The following SLIT1 variants were observed in gnomAD, a reference collection of about 807,000 sequenced individuals.
SLIT1 encodes slit guidance ligand 1.
SLIT1 carries 66 observed loss-of-function variants against 186.1 expected under a neutral mutation model. That is an observed-to-expected ratio of 0.35 (90% CI 0.29 to 0.44). SLIT1 has a LOEUF of 0.44. Among genes scored for constraint, SLIT1 ranks in the 20% least tolerant of loss-of-function variants. SLIT1 has a pLI of 1.00. For synonymous variants in SLIT1, 761 were observed against 833.8 expected (o/e 0.91, Z 1.50); for missense variants, 1,638 against 2,037.4 (o/e 0.80, Z 3.77).
At chr10:97,090,734 G>C (rs1463501872) in intron 4 of SLIT1, among the ~76,000 whole-genome samples, 1 of 152,220 alleles carries the variant, frequency 6.6e-6, no homozygotes, top group Non-Finnish European at 1.5e-5. Context: ...TTCACTGAGT[G>C]CTTGCACCAC....
intron 1 of SLIT1, among the ~76,000 whole-genome samples, chr10:97,185,021 G>A (rs375045557): frequency 6.6e-6 from 1 of 152,266 alleles, no homozygotes; most frequent in Non-Finnish European, 1.5e-5. Flanking sequence ...GCTGCCCTTC[G>A]TCAGGAGCAA....
chr10:97,052,025 G>A (rs1172185426), intron 13 of SLIT1, among the ~76,000 whole-genome samples: 2 of 151,574 alleles, frequency 1.3e-5, no homozygotes, highest in African/African-American at 2.4e-5. Flanking sequence ...CAATATGAAT[G>A]AGCCTCAAAA....
At chr10:97,058,545 G>T (rs1336152315) in intron 11 of SLIT1, among the ~76,000 whole-genome samples, 4 of 152,206 alleles carry the variant, frequency 2.6e-5, no homozygotes, top group African/African-American at 9.7e-5. Context: ...GCTGTGTAGG[G>T]TGTACACTGC....
chr10:97,040,106 C>T lies in SLIT1; in HGVS notation c.2179G>A (p.Gly727Ser). 1.3e-6 allele frequency: 2 copies of T among 1,580,216 alleles called. No individual in the cohort carries two copies. Among genetic ancestry groups the T allele is most frequent in the Middle Eastern group, 1.7e-4 (1 of 5,880 alleles). Residue 727 changes from glycine (G) to serine (S), a missense_variant, in exon 21 of 37, where the codon GGC becomes AGC. Around this residue, in one of 3 missense-constraint regions of SLIT1, gnomAD observed 1,245 missense variants for 1,535.3 expected, o/e 0.81. Transcript: ENST00000266058. Reference protein sequence around the residue: ...FRCEEGQEEGGCLPRPQCPQE... With the variant: ...FRCEEGQEEGSCLPRPQCPQE... Reference sequence around the variant, plus strand: ...GGGCACTGTGGGCGGGGCAGGCAGCCCCCCTCCTCCTGGCCTAGGGAAGAA... The same window carrying T: ...GGGCACTGTGGGCGGGGCAGGCAGCTCCCCTCCTCCTGGCCTAGGGAAGAA...
At chr10:97,124,331 G>GCCCAGAGAAGGTTGGGC (rs1849585502) in intron 4 of SLIT1, among the ~76,000 whole-genome samples, 1 of 152,198 alleles carries the variant, frequency 6.6e-6, no homozygotes, top group Non-Finnish European at 1.5e-5. Context: ...GTGTTCTTTA[G>GCCCAGAGAAGGTTGGGC]CCCAGAGAAG....
intron 4 of SLIT1, among the ~76,000 whole-genome samples, chr10:97,089,308 C>T (rs994291981): frequency 2.2e-4 from 33 of 152,230 alleles, no homozygotes; most frequent in African/African-American, 8.0e-4. Context: ...GGGTGAGGCT[C>T]TGAGCTGGGA....
chr10:97,081,405 G>A (rs1383581575), intron 4 of SLIT1, among the ~76,000 whole-genome samples: 2 of 152,208 alleles, frequency 1.3e-5, no homozygotes, highest in East Asian at 1.9e-4. Flanking sequence ...GAGGCCAGCA[G>A]AGCACCACTG....
intron 4 of SLIT1, among the ~76,000 whole-genome samples, chr10:97,092,530 A>G (rs1849243430): frequency 6.6e-6 from 1 of 152,234 alleles, no homozygotes; most frequent in Admixed American, 6.5e-5. Context: ...ATATACCTAC[A>G]TGAATGCTAT....
At chr10:97,062,870 G>T (rs1441804724) in intron 8 of SLIT1, among the ~76,000 whole-genome samples, 1 of 152,248 alleles carries the variant, frequency 6.6e-6, no homozygotes, top group Non-Finnish European at 1.5e-5. Flanking sequence ...TAAGCCAGGG[G>T]CCAGGGAGGA....
chr10:97,004,348 G>T lies in SLIT1; in HGVS notation c.3711-126C>A. On this transcript the variant is annotated intron_variant, in intron 33 of 36. Transcript: ENST00000266058. This position sits in a 1 kb window ranked among gnomAD's most constrained non-coding sequence, Gnocchi z 5.1. Reference sequence around the variant, plus strand: ...GACCAAATATCTAAGGAAAAGGACTGTGGGGGCTCAAGGGTCTATCGCATG... The same window carrying T: ...GACCAAATATCTAAGGAAAAGGACTTTGGGGGCTCAAGGGTCTATCGCATG... 1 of 951,496 alleles carries T rather than the reference G, an allele frequency of 1.1e-6. No homozygotes were observed. Among genetic ancestry groups the T allele is most frequent in the Non-Finnish European group, 1.6e-6 (1 of 626,440 alleles). 58.9% of individuals were successfully genotyped at this position (951,496 alleles called of 1,614,324 possible).
chr10:97,069,454 C>G (rs1848982370), intron 4 of SLIT1, among the ~76,000 whole-genome samples: 1 of 152,260 alleles, frequency 6.6e-6, no homozygotes, highest in Non-Finnish European at 1.5e-5. Context: ...AGCTGATGGT[C>G]TGCTGGGGAC....
chr10:97,039,322 C>G (rs1848669298), intron 21 of SLIT1, among the ~76,000 whole-genome samples: 1 of 152,172 alleles, frequency 6.6e-6, no homozygotes, highest in Non-Finnish European at 1.5e-5. Context: ...CATCTATGTC[C>G]AATCCTCCAC....
chr10:97,130,060 G>A (rs562798192), intron 4 of SLIT1, among the ~76,000 whole-genome samples: 4 of 152,236 alleles, frequency 2.6e-5, no homozygotes, highest in Admixed American at 6.5e-5. Context: ...CCTCTCCGCC[G>A]CCAGGAACAG....
intron 4 of SLIT1, among the ~76,000 whole-genome samples, chr10:97,114,676 T>C (rs765836534): frequency 6.6e-6 from 1 of 152,012 alleles, no homozygotes; most frequent in Admixed American, 6.5e-5. Flanking sequence ...AAATAAAAAG[T>C]CCAAAGTAGG....
chr10:97,033,149 A>T (rs1848606976), intron 23 of SLIT1, among the ~76,000 whole-genome samples: 1 of 151,816 alleles, frequency 6.6e-6, no homozygotes, highest in African/African-American at 2.4e-5. Context: ...CCCAGGCTCA[A>T]ACCATCCTCC....
chr10:97,074,196 T>C (rs986500564), intron 4 of SLIT1, among the ~76,000 whole-genome samples: 1 of 152,160 alleles, frequency 6.6e-6, no homozygotes, highest in Non-Finnish European at 1.5e-5. Flanking sequence ...CAGCAGACAC[T>C]CTCCTTCACT....
At chr10:97,131,524 T>G (rs1432755293) in intron 4 of SLIT1, among the ~76,000 whole-genome samples, 1 of 152,176 alleles carries the variant, frequency 6.6e-6, no homozygotes, top group Admixed American at 6.5e-5. Context: ...AAGCACGTAT[T>G]GACACCCCGC....
chr10:97,063,409 C>T (rs200173995), intron 8 of SLIT1, 46 bp downstream of exon 8: 103 of 1,604,926 alleles, frequency 6.4e-5, no homozygotes, highest in Non-Finnish European at 8.2e-5. Flanking sequence ...AGAGGCAGGG[C>T]AGGAGGCGCC....
chr10:97,127,540 G>A (rs1849615741), intron 4 of SLIT1, among the ~76,000 whole-genome samples: 1 of 152,198 alleles, frequency 6.6e-6, no homozygotes, highest in South Asian at 2.1e-4. Flanking sequence ...ATGTGCAGAA[G>A]CAGCCTGACT....
Sources: allele counts gnomAD v4.1 joint callset (sites outside exome capture counted in the v4.1 genomes callset), GRCh38; gene constraint gnomAD v4.1.1; regional missense constraint gnomAD v4.1.1; non-coding constraint Gnocchi (gnomAD v3.1); transcripts MANE v1.5; gene names NCBI Gene and HGNC (gene_info 2026-07-23, HGNC 2026-07-21).